Variants in NRG1 observed in about 807,000 individuals in gnomAD.
NRG1 encodes neuregulin 1.
NRG1 carries 18 observed loss-of-function variants against 63.8 expected under a neutral mutation model. The observed-to-expected ratio is 0.28, with a 90% CI of 0.19 to 0.42. NRG1 has a LOEUF of 0.42. Ranked by LOEUF, NRG1 falls within the 10% of genes least tolerant of loss-of-function variation. NRG1 has a pLI of 1.00. For synonymous variants in NRG1, 302 were observed against 301.3 expected (o/e 1.00, Z -0.02); for missense variants, 762 against 814.7 (o/e 0.94, Z 0.79).
chr8:32,055,781 A>G (rs2130859044), intron 1 of NRG1, among the ~76,000 whole-genome samples: 1 of 152,122 alleles, frequency 6.6e-6, no homozygotes, highest in East Asian at 1.9e-4. Flanking sequence ...GAAGACTTGA[A>G]CGGGGACTGG....
rs1187773802 is a variant in NRG1 at position 31,888,354 on chromosome 8, A to G, written c.37+248923A>G. 2.0e-5 allele frequency among the ~76,000 whole-genome samples: 3 copies of G among 152,298 alleles called. 1 individual carries two copies. The highest frequency in any genetic ancestry group is 6.5e-5 in the Admixed American group (1 of 15,282). On this transcript the variant is annotated intron_variant, in intron 1 of 10. Coordinates refer to the NRG1 transcript ENST00000519301. ...GAAGGGTGTCACAGTTCAGCAAAAC[A>G]AAAGAGAATACGCTTTGTTAAACCT... is the stretch of plus-strand genomic sequence containing the variant.
intron 1 of NRG1, among the ~76,000 whole-genome samples, chr8:32,384,297 G>C (rs555760479): frequency 6.6e-6 from 1 of 152,106 alleles, no homozygotes; most frequent in South Asian, 2.1e-4. Flanking sequence ...AAATATAAAA[G>C]AGCAATACTA....
intron 1 of NRG1, among the ~76,000 whole-genome samples, chr8:32,272,390 C>A (rs1020070837): frequency 7.2e-5 from 11 of 152,172 alleles, no homozygotes; most frequent in African/African-American, 2.7e-4. Flanking sequence ...AAAGACCCCA[C>A]CTCCAAATAT....
chr8:32,708,586 G>T (rs1009360459), intron 5 of NRG1, among the ~76,000 whole-genome samples: 3 of 152,130 alleles, frequency 2.0e-5, no homozygotes, highest in Non-Finnish European at 2.9e-5. Flanking sequence ...CACCTGTAGG[G>T]TCTTGGCAAA....
chr8:31,700,353 C>A (rs907031876), intron 1 of NRG1, among the ~76,000 whole-genome samples: 1 of 152,086 alleles, frequency 6.6e-6, no homozygotes, highest in Non-Finnish European at 1.5e-5. Flanking sequence ...CATGAACAAA[C>A]CTTATTCAGT....
At chr8:31,888,175 C>T (rs987643740) in intron 1 of NRG1, among the ~76,000 whole-genome samples, 16 of 151,592 alleles carry the variant, frequency 1.1e-4, no homozygotes, top group African/African-American at 3.2e-4. Context: ...AGCTTTTTGA[C>T]CTCAACAGCA....
chr8:31,945,326 C>T (rs375209475), intron 1 of NRG1, among the ~76,000 whole-genome samples: 1 of 152,178 alleles, frequency 6.6e-6, no homozygotes, highest in African/African-American at 2.4e-5. Context: ...AGTTTATCGA[C>T]TGTCACTAGG....
chr8:32,337,043 C>A (rs1803359754), intron 1 of NRG1, among the ~76,000 whole-genome samples: 1 of 151,876 alleles, frequency 6.6e-6, no homozygotes, highest in Non-Finnish European at 1.5e-5. Context: ...AGGGGCTCAC[C>A]CTGTCTCCCA....
intron 1 of NRG1, among the ~76,000 whole-genome samples, chr8:32,527,111 C>A (rs1027103739): frequency 3.3e-5 from 5 of 152,120 alleles, no homozygotes; most frequent in Non-Finnish European, 7.3e-5. Context: ...AATAGAACTA[C>A]CATTCGATCC....
Position 32,646,877 on chromosome 8 carries a change from A to G in NRG1, c.502+29992A>G, listed in dbSNP as rs1853659952. ...GCCTGCAGCTCTAGAGTGTGGGTAGAGAGCGGGGAGTGGGGGTTGGGAGAG... is the reference window on the plus strand; with the variant it reads ...GCCTGCAGCTCTAGAGTGTGGGTAGGGAGCGGGGAGTGGGGGTTGGGAGAG... On this transcript the variant is annotated intron_variant, in intron 5 of 11. Transcript: ENST00000356819. 5 of 982,208 alleles carry G rather than the reference A, an allele frequency of 5.1e-6. No individual in the cohort carries two copies. The South Asian group carries it at 1.4e-4, about 28-fold the overall frequency. 60.8% of individuals were successfully genotyped at this position (982,208 alleles called of 1,614,324 possible). A position where few individuals can be genotyped will look rare whatever the true frequency, so the allele number is the denominator to read the frequency against.
intron 1 of NRG1, among the ~76,000 whole-genome samples, chr8:31,994,595 A>G (rs1236941863): frequency 7.0e-6 from 1 of 143,394 alleles, no homozygotes; most frequent in Non-Finnish European, 1.5e-5. Context: ...TCAAGGCTGT[A>G]GTGAACTATG....
At chr8:32,253,875 T>C (rs1368901124) in intron 1 of NRG1, among the ~76,000 whole-genome samples, 2 of 152,188 alleles carry the variant, frequency 1.3e-5, no homozygotes, top group Non-Finnish European at 2.9e-5. Context: ...GAACTTGTTA[T>C]TGGTCTATTC....
At chr8:31,876,885 G>C (rs1455838726) in intron 1 of NRG1, among the ~76,000 whole-genome samples, 1 of 152,116 alleles carries the variant, frequency 6.6e-6, no homozygotes, top group Non-Finnish European at 1.5e-5. Flanking sequence ...AAACTCCACT[G>C]CCATCTCTAC....
At chr8:32,136,289 G>A (rs1353911457) in intron 1 of NRG1, among the ~76,000 whole-genome samples, 1 of 152,140 alleles carries the variant, frequency 6.6e-6, no homozygotes, top group Non-Finnish European at 1.5e-5. Context: ...CCTCTTGCAG[G>A]TACTGTTGTC....
chr8:31,894,208 T>C (rs1831375703), intron 1 of NRG1, among the ~76,000 whole-genome samples: 1 of 152,212 alleles, frequency 6.6e-6, no homozygotes, highest in Non-Finnish European at 1.5e-5. Flanking sequence ...TAAGGACTTG[T>C]TATTTGCATC....
chr8:31,987,897 T>C (rs1310998815), intron 1 of NRG1, among the ~76,000 whole-genome samples: 1 of 152,096 alleles, frequency 6.6e-6, no homozygotes, highest in Non-Finnish European at 1.5e-5. Flanking sequence ...ATTTTAGGAA[T>C]AGGTTAAGGC....
At chr8:32,751,379 G>C (rs1828695316) in intron 7 of NRG1, among the ~76,000 whole-genome samples, 1 of 152,148 alleles carries the variant, frequency 6.6e-6, no homozygotes, top group Non-Finnish European at 1.5e-5. Flanking sequence ...TGCTCATTGA[G>C]AGACAGACCC....
chr8:32,452,489 A>G (rs555517143), intron 1 of NRG1, among the ~76,000 whole-genome samples: 8 of 152,360 alleles, frequency 5.3e-5, no homozygotes, highest in Admixed American at 4.6e-4. Context: ...AAGGATAGTA[A>G]AAAGTACAGA....
intron 1 of NRG1, among the ~76,000 whole-genome samples, chr8:31,906,401 C>G (rs1310957778): frequency 6.6e-6 from 1 of 152,130 alleles, no homozygotes; most frequent in African/African-American, 2.4e-5. Flanking sequence ...AGGGACAATA[C>G]AGTGTGTGGA....
Sources: gnomAD v4.1 joint callset for allele counts (sites outside exome capture counted in the v4.1 genomes callset) on GRCh38, gnomAD v4.1.1 for gene constraint, MANE v1.5 for transcripts, NCBI Gene and HGNC (gene_info 2026-07-23, HGNC 2026-07-21) for gene names.